Variants in SLITRK5 observed in about 807,000 individuals in gnomAD.
The protein encoded by SLITRK5 is SLIT and NTRK like family member 5, also known as SLIT and NTRK-like protein 5.
Under a neutral mutation model 56.2 loss-of-function variants are expected in SLITRK5, and 23 were observed. The observed-to-expected ratio is 0.41, with a 90% confidence interval of 0.29 to 0.58. The LOEUF (loss-of-function observed/expected upper bound fraction) is 0.58. SLITRK5 is among the 20% of genes least tolerant of loss of function. The probability of loss-of-function intolerance (pLI) is 0.30; values close to 1 mark genes in which losing one functional copy is unlikely to be tolerated. For missense variants in SLITRK5, 1,289 were observed against 1,226.6 expected, an observed-to-expected ratio of 1.05 and a Z score of -0.76; for synonymous variants, 637 against 531.8, an observed-to-expected ratio of 1.20 and a Z score of -2.72.
Position 87,671,633 on chromosome 13 carries a change from C to G in SLITRK5, c.-585C>G, listed in dbSNP as rs897827320. Among the ~76,000 whole-genome samples the G allele has an allele frequency of 6.6e-6, 1 of 152,096 alleles. No homozygotes were observed. The highest frequency in any genetic ancestry group is 1.5e-5 in the Non-Finnish European group (1 of 68,016). ...CGACGCGGTTGCTGCCCGCCCCCCC[C>G]TTCCCCCAGAAACCCCAAAGGATGT... On this transcript the variant is annotated 5_prime_UTR_variant, in exon 1 of 2. Transcript: ENST00000683689.
rs942782330 is a variant in SLITRK5, at chr13:87,678,770, C to A, written c.*505C>A. 1 of 166,934 alleles carries A rather than the reference C, an allele frequency of 6.0e-6. No homozygotes were observed. The highest frequency in any genetic ancestry group is 2.4e-5 in the African/African-American group (1 of 41,080). 10.3% of individuals were successfully genotyped at this position (166,934 alleles called of 1,614,324 possible). ...GGAAATTTGTTCTCTTTTTCCGCCC[C>A]TCTCCTTCTCTCCTCCCCTCCCCTC... On this transcript the variant is annotated 3_prime_UTR_variant, in exon 2 of 2. Transcript: ENST00000683689.
chr13:87,672,029 C>A lies in SLITRK5; in HGVS notation c.-189C>A, dbSNP rs1262872943. 2.6e-5 allele frequency among the ~76,000 whole-genome samples: 4 copies of A among 152,122 alleles called. No individual in the cohort carries two copies. The highest frequency in any genetic ancestry group is 9.7e-5 in the African/African-American group (4 of 41,446). On this transcript the variant is annotated 5_prime_UTR_variant, in exon 1 of 2. Coordinates refer to ENST00000683689, the MANE Select transcript of SLITRK5 (RefSeq NM_001384609.1). ...CGACCCGCTCCCTCTGGCTCGTCCC[C>A]CGGCGTGCGCCACTGACCAGGGGGG...
chr13:87,673,243 G>T (rs1368777516), intron 1 of SLITRK5, among the ~76,000 whole-genome samples: 1 of 145,804 alleles, frequency 6.9e-6, no homozygotes, highest in African/African-American at 2.5e-5. Context: ...CAGCGCACCC[G>T]CGAATTTGCA....
In SLITRK5 at chr13:87,675,728, A is replaced by G. The variant is rs1877243767; in HGVS notation, c.340A>G (p.Ser114Gly). ...TGGGGCTTCAATTTTGCATCTAGGT[A>G]GCAATGTTATCCAGGACATTGAGAC... ...YTGASILHLGSNVIQDIETGA... is the reference protein window; with the variant it reads ...YTGASILHLGGNVIQDIETGA... The change falls in exon 2 of 2, where the codon AGC (serine) becomes GGC (glycine). Residue 114 changes from serine to glycine, a missense_variant. Around this residue, in one of 3 missense-constraint regions of SLITRK5, gnomAD observed 291 missense variants for 286.7 expected, o/e 1.02. Transcript: ENST00000683689. 1 of 1,614,048 alleles carries G rather than the reference A, an allele frequency of 6.2e-7. No homozygotes were observed. The highest frequency in any genetic ancestry group is 1.3e-5 in the African/African-American group (1 of 74,920).
At position 87,679,245 on chromosome 13, in the gene SLITRK5, G is replaced by C. The variant is rs1018390292; in HGVS notation, c.*980G>C. On this transcript the variant is annotated 3_prime_UTR_variant, in exon 2 of 2. Coordinates refer to ENST00000683689, the MANE Select transcript of SLITRK5 (RefSeq NM_001384609.1). ...GTATCCCAATGTATTTTAAAAAATA[G>C]GGCAATTGATTGGGCCATTCCGAGA... 6.0e-6 allele frequency: 1 copy of C among 166,984 alleles called. No homozygotes were observed. The highest frequency in any genetic ancestry group is 2.4e-5 in the African/African-American group (1 of 41,432). 10.3% of individuals were successfully genotyped at this position (166,984 alleles called of 1,614,324 possible).
At chr13:87,674,203 C>G (rs1283741399) in intron 1 of SLITRK5, among the ~76,000 whole-genome samples, 1 of 152,102 alleles carries the variant, frequency 6.6e-6, no homozygotes, top group Admixed American at 6.5e-5. Flanking sequence ...AACAACTGAC[C>G]TAAGTCGCTT....
chr13:87,677,575 G>C lies in SLITRK5; in HGVS notation c.2187G>C (p.Ala729=). Residue 729 remains alanine (A), a synonymous_variant, in exon 2 of 2, where the codon GCG becomes GCC. Transcript: ENST00000683689. The surrounding 1 kb of genome is among the most constrained non-coding windows in gnomAD (Gnocchi z 4.7). ...GGGGTGGHPH[A]HVHHRGPALP... ...GCGGCACGGGCGGCCACCCACACGCGCACGTGCATCACCGCGGGCCCGCGC... is the reference window on the plus strand; with the variant it reads ...GCGGCACGGGCGGCCACCCACACGCCCACGTGCATCACCGCGGGCCCGCGC... The C allele has an allele frequency of 6.2e-7, 1 of 1,609,638 alleles. No homozygotes were observed. The highest frequency in any genetic ancestry group is 8.5e-7 in the Non-Finnish European group (1 of 1,177,274).
chr13:87,678,440 T>G lies in SLITRK5; in HGVS notation c.*175T>G. Reference sequence around the variant, plus strand: ...AAGGGTGTGCAATTTCCTTTAAAATTTACACGTGGGAAACATTTGTGTAAA... The same window carrying G: ...AAGGGTGTGCAATTTCCTTTAAAATGTACACGTGGGAAACATTTGTGTAAA... On this transcript the variant is annotated 3_prime_UTR_variant, in exon 2 of 2. Transcript: ENST00000683689. The G allele has an allele frequency of 1.6e-6, 1 of 635,858 alleles. No individual in the cohort carries two copies. The allele number at this position is 635,858 out of a possible 1,614,324, so 39.4% of individuals were successfully genotyped here. A position where few individuals can be genotyped will look rare whatever the true frequency, so the allele number is the denominator to read the frequency against.
chr13:87,676,045 G>A lies in SLITRK5; in HGVS notation c.657G>A (p.Gly219=). 6.2e-7 allele frequency: 1 copy of A among 1,614,134 alleles called. No individual in the cohort carries two copies. Among genetic ancestry groups the A allele is most frequent in the Non-Finnish European group, 8.5e-7 (1 of 1,180,042 alleles). ...GNRLKLLPYV[G]LLQHMDKVVE... ...GGCTGAAACTTCTGCCCTACGTGGG[G>A]CTCTTGCAGCACATGGATAAAGTTG... is the stretch of plus-strand genomic sequence containing the variant. The change falls in exon 2 of 2, where the codon GGG becomes GGA. Residue 219 remains glycine, a synonymous_variant. Transcript: ENST00000683689.
In SLITRK5 at chr13:87,676,573, G is replaced by A. The variant is rs1264480065; in HGVS notation, c.1185G>A (p.Glu395=). Residue 395 remains glutamate, a synonymous_variant, in exon 2 of 2, where the codon GAG becomes GAA. Coordinates refer to ENST00000683689, the MANE Select transcript of SLITRK5 (RefSeq NM_001384609.1). ...TGGGCCTCAACGTAAACTGCCAGGA[G>A]CGAAAGATCGAGAGCATCGCTGAAC... ...SDLGLNVNCQ[E]RKIESIAELQ... The A allele has an allele frequency of 6.2e-7, 1 of 1,614,014 alleles. No individual in the cohort carries two copies.
At position 87,678,728 on chromosome 13, in the gene SLITRK5, A is replaced by G. The variant is rs544247895; in HGVS notation, c.*463A>G. On this transcript the variant is annotated 3_prime_UTR_variant, in exon 2 of 2. Transcript: ENST00000683689. ...AACTGGCTTTTGTGGAGAAATTAGC[A>G]CACCCCAACTTTAATAGGAAATTTG... 1 of 165,548 alleles carries G rather than the reference A, an allele frequency of 6.0e-6. No individual in the cohort carries two copies. The highest frequency in any genetic ancestry group is 2.0e-4 in the East Asian group (1 of 5,076). 10.3% of individuals were successfully genotyped at this position (165,548 alleles called of 1,614,324 possible).
In SLITRK5 at chr13:87,676,256, T is replaced by C; in HGVS notation, c.868T>C (p.Ser290Pro). Residue 290 changes from serine (S) to proline (P), a missense_variant, in exon 2 of 2, where the codon TCT (serine) becomes CCT (proline). Physicochemically the swap from Ser to Pro is moderately conservative, Grantham distance 74. Around this residue, in one of 3 missense-constraint regions of SLITRK5, gnomAD observed 985 missense variants for 906.0 expected, o/e 1.09. Coordinates refer to ENST00000683689, the MANE Select transcript of SLITRK5 (RefSeq NM_001384609.1). ...GGAACTTTGCCCAAGGAGACTTATT[T>C]CTGACTACGAGATGAGGCCGCAGAC... Reference protein sequence around the residue: ...KQELCPRRLISDYEMRPQTPL... With the variant: ...KQELCPRRLIPDYEMRPQTPL... 6.2e-7 allele frequency: 1 copy of C among 1,614,102 alleles called. No individual in the cohort carries two copies. Among genetic ancestry groups the C allele is most frequent in the Non-Finnish European group, 8.5e-7 (1 of 1,180,022 alleles).
chr13:87,677,556 C>CG lies in SLITRK5; in HGVS notation c.2171dup (p.Gly725ArgfsTer26), dbSNP rs1566321521. ...AGCGTGTACGGCGGCGGCGGCGGCA[C>CG]GGGCGGCCACCCACACGCGCACGTG... On this transcript the variant is annotated frameshift_variant, in exon 2 of 2. Coordinates refer to ENST00000683689, the MANE Select transcript of SLITRK5 (RefSeq NM_001384609.1). The surrounding 1 kb of genome is among the most constrained non-coding windows in gnomAD (Gnocchi z 4.7). 6.2e-7 allele frequency: 1 copy of CG among 1,608,440 alleles called. No individual in the cohort carries two copies. The highest frequency in any genetic ancestry group is 1.1e-5 in the South Asian group (1 of 90,902).
At position 87,671,554 on chromosome 13, in the gene SLITRK5, C is replaced by T. The variant is rs889551044; in HGVS notation, c.-664C>T. On this transcript the variant is annotated 5_prime_UTR_variant, in exon 1 of 2. Transcript: ENST00000683689. ...GCGCCCGGGAGGAAGACGCAACTTT[C>T]TCGGAGTTTTTTTTAGAGCCACCGG... 6.6e-6 allele frequency among the ~76,000 whole-genome samples: 1 copy of T among 152,064 alleles called. No individual in the cohort carries two copies. The highest frequency in any genetic ancestry group is 6.5e-5 in the Admixed American group (1 of 15,268).
At chr13:87,672,259 C>G (rs1877065037) in intron 1 of SLITRK5, among the ~76,000 whole-genome samples, 50 bp downstream of exon 1, 2 of 152,114 alleles carry the variant, frequency 1.3e-5, no homozygotes, top group Non-Finnish European at 2.9e-5. Flanking sequence ...CCAGGGACCC[C>G]GCGATCGCGC....
rs895210938 is a variant in SLITRK5 at position 87,678,999 on chromosome 13, T to C, written c.*734T>C. On this transcript the variant is annotated 3_prime_UTR_variant, in exon 2 of 2. Coordinates refer to ENST00000683689, the MANE Select transcript of SLITRK5 (RefSeq NM_001384609.1). ...ACAAATATTTTATTGTAGCACCTAT[T>C]TTTATATGCACATTTAGCATTCCTC... The C allele has an allele frequency of 2.4e-5, 4 of 166,688 alleles. No homozygotes were observed. The highest frequency in any genetic ancestry group is 9.7e-5 in the African/African-American group (4 of 41,402). 10.3% of individuals were successfully genotyped at this position (166,688 alleles called of 1,614,324 possible).
Position 87,676,880 on chromosome 13 carries a change from T to G in SLITRK5, c.1492T>G (p.Ser498Ala). 1 of 1,614,050 alleles carries G rather than the reference T, an allele frequency of 6.2e-7. No individual in the cohort carries two copies. Among genetic ancestry groups the G allele is most frequent in the East Asian group, 2.2e-5 (1 of 44,830 alleles). The part of the protein sequence containing the change: ...LQYNLIREIQ[S>A]GTFDPVPNLQ... ...GTACAATCTCATCCGCGAGATTCAG[T>G]CTGGAACTTTTGACCCGGTCCCAAA... is the stretch of plus-strand genomic sequence containing the variant. Residue 498 changes from serine to alanine, a missense_variant, in exon 2 of 2, where the codon TCT becomes GCT. Physicochemically the swap from Ser to Ala is moderately conservative, Grantham distance 99 (BLOSUM62 1). This residue lies in a region of SLITRK5 where 985 missense variants were observed against 906.0 expected (regional missense o/e 1.09). Coordinates refer to ENST00000683689, the MANE Select transcript of SLITRK5 (RefSeq NM_001384609.1).
chr13:87,677,338 G>A lies in SLITRK5; in HGVS notation c.1950G>A (p.Ala650=), dbSNP rs759974589. The A allele has an allele frequency of 3.7e-6, 6 of 1,614,086 alleles. No homozygotes were observed. In the South Asian group the frequency reaches 6.6e-5, roughly 18 times the overall value. Residue 650 remains alanine (A), a synonymous_variant, in exon 2 of 2, where the codon GCG becomes GCA. Coordinates refer to ENST00000683689, the MANE Select transcript of SLITRK5 (RefSeq NM_001384609.1). The surrounding 1 kb of genome is among the most constrained non-coding windows in gnomAD (Gnocchi z 4.7). ...AVRLNSTGAP[A]SLGAGGGASS... ...GGTTGAATAGCACCGGGGCCCCCGCGAGCTTGGGCGCAGGCGGAGGGGCGT... is the reference window on the plus strand; with the variant it reads ...GGTTGAATAGCACCGGGGCCCCCGCAAGCTTGGGCGCAGGCGGAGGGGCGT...
rs1181505119 is a variant in SLITRK5, at chr13:87,679,528, G to A, written c.*1263G>A. On this transcript the variant is annotated 3_prime_UTR_variant, in exon 2 of 2. Transcript: ENST00000683689. ...ATGACAAACAGGATATCTGTAAGATGGGGCTACTGTTGTTACAGTCTCATA... is the reference window on the plus strand; with the variant it reads ...ATGACAAACAGGATATCTGTAAGATAGGGCTACTGTTGTTACAGTCTCATA... 6.0e-6 allele frequency: 1 copy of A among 166,690 alleles called. No individual in the cohort carries two copies. Among genetic ancestry groups the A allele is most frequent in the African/African-American group, 2.4e-5 (1 of 41,354 alleles). 10.3% of individuals were successfully genotyped at this position (166,690 alleles called of 1,614,324 possible). A position where few individuals can be genotyped will look rare whatever the true frequency, so the allele number is the denominator to read the frequency against.
Sources: allele counts gnomAD v4.1 joint callset (sites outside exome capture counted in the v4.1 genomes callset), GRCh38; gene constraint gnomAD v4.1.1; regional missense constraint gnomAD v4.1.1; non-coding constraint Gnocchi (gnomAD v3.1); transcripts MANE v1.5; gene names NCBI Gene and HGNC (gene_info 2026-07-23, HGNC 2026-07-21).